Variants in SNX1 observed in about 807,000 individuals in gnomAD.
SNX1 encodes the protein sorting nexin 1.
In SNX1, 36 loss-of-function variants were observed where a neutral mutation model predicts 71.8. The ratio of observed to expected loss-of-function variants is 0.50; its 90% CI spans 0.38 to 0.66. SNX1 has a LOEUF of 0.66. Among genes scored for constraint, SNX1 ranks in the 30% least tolerant of loss-of-function variants. The pLI is 0.00. For synonymous variants in SNX1, 254 were observed against 240.7 expected (o/e 1.06, Z -0.51); for missense variants, 612 against 646.7 (o/e 0.95, Z 0.58).
At chr15:64,132,114 A>G (rs1212813994) in intron 11 of SNX1, among the ~76,000 whole-genome samples, 1 of 152,208 alleles carries the variant, frequency 6.6e-6, no homozygotes, top group East Asian at 1.9e-4. Flanking sequence ...CCTAGATGGC[A>G]TTTGGAGAAA....
At chr15:64,118,367 G>A (rs1419120173) in intron 3 of SNX1, 123 bp downstream of exon 3, 1 of 1,087,610 alleles carries the variant, frequency 9.2e-7, no homozygotes, top group South Asian at 1.6e-5. Flanking sequence ...AGATCTTTAT[G>A]GTTAATGGAC....
At chr15:64,135,275 A>G (rs2081347062) in intron 12 of SNX1, among the ~76,000 whole-genome samples, 1 of 150,986 alleles carries the variant, frequency 6.6e-6, no homozygotes, top group African/African-American at 2.4e-5. Flanking sequence ...CTGCCACCAC[A>G]CCTGGCTAAT....
intron 2 of SNX1, 46 bp from the exon 3 acceptor site, chr15:64,118,071 A>G (rs556732021): frequency 8.8e-6 from 14 of 1,597,116 alleles, no homozygotes; most frequent in East Asian, 6.7e-5. Context: ...TTAGCCTTCA[A>G]AGACTCATTA....
chr15:64,119,221 C>A (rs537766219), intron 4 of SNX1, among the ~76,000 whole-genome samples: 81 of 152,102 alleles, frequency 5.3e-4, no homozygotes, highest in Non-Finnish European at 1.0e-3. Context: ...TGGACTCAAG[C>A]AGTCCTCCCG....
At chr15:64,110,589 A>T (rs961171573) in intron 1 of SNX1, among the ~76,000 whole-genome samples, 1 of 152,040 alleles carries the variant, frequency 6.6e-6, no homozygotes, top group African/African-American at 2.4e-5. Flanking sequence ...TTTTTTAGAG[A>T]CAGGGCCTCA....
Position 64,123,563 on chromosome 15 carries a change from C to A in SNX1, c.510+17C>A, listed in dbSNP as rs764263741. 9.3e-6 allele frequency: 15 copies of A among 1,606,432 alleles called. No homozygotes were observed. On this transcript the variant is annotated intron_variant, in intron 5 of 14. Transcript: ENST00000559844. ...ACAACACAGGTGAGTCCAGGTGACC[C>A]TGCTGATGACCATCTTCATAGACTT...
chr15:64,096,213 C>T (rs1419810606), intron 1 of SNX1, 41 bp downstream of exon 1: 2 of 1,537,564 alleles, frequency 1.3e-6, no homozygotes, highest in Admixed American at 2.1e-5. Flanking sequence ...GGAGGGCACC[C>T]CGAAAGGGAA....
Position 64,131,834 on chromosome 15 carries a change from ACTT to A in SNX1, c.1168_1170del (p.Phe390del). ...CTCCACCAGGAACAGGCCAACAATG[ACTT>A]CTTCCTCCTTGCTGAGCTCCTGAGT... On this transcript the variant is annotated inframe_deletion, in exon 11 of 15. Transcript: ENST00000559844. 1 of 1,614,030 alleles carries A rather than the reference ACTT, an allele frequency of 6.2e-7. No individual in the cohort carries two copies. Among genetic ancestry groups the A allele is most frequent in the Non-Finnish European group, 8.5e-7 (1 of 1,180,000 alleles).
At chr15:64,123,846 C>T (rs1411177140) in intron 5 of SNX1, among the ~76,000 whole-genome samples, 3 of 152,138 alleles carry the variant, frequency 2.0e-5, no homozygotes, top group Non-Finnish European at 2.9e-5. Flanking sequence ...TCACAGATTG[C>T]CCTAAACCAT....
intron 4 of SNX1, among the ~76,000 whole-genome samples, chr15:64,119,211 T>G (rs985992831): frequency 4.1e-4 from 62 of 152,134 alleles, no homozygotes; most frequent in African/African-American, 1.5e-3. Context: ...CTCCAGCTCC[T>G]GGACTCAAGC....
At chr15:64,116,545 T>C (rs2081131144) in intron 2 of SNX1, among the ~76,000 whole-genome samples, 1 of 152,224 alleles carries the variant, frequency 6.6e-6, no homozygotes. Context: ...AATACTGATC[T>C]GGGACTTGAT....
rs2898653 is a variant in SNX1, at chr15:64,129,103, G to T, written c.808-813G>T. Among the ~76,000 whole-genome samples the T allele has an allele frequency of 0.69, 104,085 of 151,852 alleles. 37,109 individuals are homozygous for T. The highest frequency in any genetic ancestry group is 0.81 in the East Asian group (4,182 of 5,168). The stretch of plus-strand genomic sequence containing the variant: ...CTCTACTAAAAATACAAAAATTAGC[G>T]GGTCGTGGTGGCGGGCACCTATAAT... On this transcript the variant is annotated intron_variant, in intron 8 of 14. Transcript: ENST00000559844. The surrounding 1 kb of genome is among the most constrained non-coding windows in gnomAD (Gnocchi z 4.4).
rs911214553 is a variant in SNX1, at chr15:64,129,471, C to G, written c.808-445C>G. Among the ~76,000 whole-genome samples the G allele has an allele frequency of 6.6e-6, 1 of 152,074 alleles. No homozygotes were observed. The highest frequency in any genetic ancestry group is 1.5e-5 in the Non-Finnish European group (1 of 68,020). ...GATCTGAATCAATAATTTTCTTGTCCTCGGATATTTGTTCACTGAAGAAAA... is the reference window on the plus strand; with the variant it reads ...GATCTGAATCAATAATTTTCTTGTCGTCGGATATTTGTTCACTGAAGAAAA... On this transcript the variant is annotated intron_variant, in intron 8 of 14. Coordinates refer to ENST00000559844, the MANE Select transcript of SNX1 (RefSeq NM_003099.5). This position sits in a 1 kb window ranked among gnomAD's most constrained non-coding sequence, Gnocchi z 4.4.
chr15:64,125,632 G>C (rs1427754732), intron 5 of SNX1, among the ~76,000 whole-genome samples: 1 of 152,070 alleles, frequency 6.6e-6, no homozygotes, highest in African/African-American at 2.4e-5. Flanking sequence ...GCAACAAAGT[G>C]AGATCCTGTC....
chr15:64,134,812 G>A lies in SNX1; in HGVS notation c.1365+5G>A. On this transcript the variant is annotated splice_donor_5th_base_variant and intron_variant, in intron 12 of 14. Transcript: ENST00000559844. The surrounding 1 kb of genome is among the most constrained non-coding windows in gnomAD (Gnocchi z 4.1). ...GCCAAGGACGAGATCCTCGAGGTGA[G>A]TCCACTGAGGCAGCCCAGCCAGGGG... is the stretch of plus-strand genomic sequence containing the variant. 1.2e-6 allele frequency: 2 copies of A among 1,613,764 alleles called. No individual in the cohort carries two copies. Among genetic ancestry groups the A allele is most frequent in the Non-Finnish European group, 1.7e-6 (2 of 1,179,984 alleles).
chr15:64,109,772 G>T lies in SNX1; in HGVS notation c.160-2801G>T, dbSNP rs375591666. ...ATGTAGGCACCTCTGCCTCCCAAAG[G>T]TTGTCTGCCCACCTCTGTCTCCCAA... On this transcript the variant is annotated intron_variant, in intron 1 of 14. Transcript: ENST00000559844. Among the ~76,000 whole-genome samples, 14 of 152,190 alleles carry T rather than the reference G, an allele frequency of 9.2e-5. No individual in the cohort carries two copies. In the South Asian group the frequency reaches 1.5e-3, roughly 16 times the overall value.
intron 4 of SNX1, 95 bp downstream of exon 4, chr15:64,118,949 G>A (rs973577987): frequency 2.1e-5 from 18 of 871,900 alleles, no homozygotes; most frequent in Non-Finnish European, 3.0e-5. Context: ...AGTTGAACTA[G>A]CCAATGTGAA....
intron 2 of SNX1, among the ~76,000 whole-genome samples, chr15:64,117,653 G>C (rs960194740): frequency 6.6e-6 from 1 of 152,182 alleles, no homozygotes; most frequent in African/African-American, 2.4e-5. Context: ...TTAGCTGGCT[G>C]TGGTGGTATG....
At chr15:64,109,992 A>T (rs945712287) in intron 1 of SNX1, among the ~76,000 whole-genome samples, 1 of 152,140 alleles carries the variant, frequency 6.6e-6, no homozygotes, top group Admixed American at 6.5e-5. Flanking sequence ...AAATAATCAG[A>T]TGTGGATTTA....
Sources: allele counts gnomAD v4.1 joint callset (sites outside exome capture counted in the v4.1 genomes callset), GRCh38; gene constraint gnomAD v4.1.1; non-coding constraint Gnocchi (gnomAD v3.1); transcripts MANE v1.5; gene names NCBI Gene and HGNC (gene_info 2026-07-23, HGNC 2026-07-21).